Variants in GLIS1 observed in about 807,000 individuals in gnomAD.
GLIS1 encodes the protein zinc finger protein GLIS1.
A neutral mutation model predicts 63.8 loss-of-function variants in GLIS1; 24 were observed. The observed-to-expected ratio is 0.38, with a 90% confidence interval of 0.27 to 0.53. The LOEUF (loss-of-function observed/expected upper bound fraction) is 0.53. Among genes scored for constraint, GLIS1 ranks in the 20% least tolerant of loss-of-function variants. The pLI is 0.85. For missense variants in GLIS1, 1,036 were observed against 1,074.1 expected, an observed-to-expected ratio of 0.96 and a Z score of 0.50; for synonymous variants, 450 against 482.5, an observed-to-expected ratio of 0.93 and a Z score of 0.88.
chr1:53,540,840 A>C (rs1217938539), intron 4 of GLIS1, among the ~76,000 whole-genome samples: 4 of 152,198 alleles, frequency 2.6e-5, no homozygotes, highest in African/African-American at 9.6e-5. Flanking sequence ...CGGAGGCCAG[A>C]GATTCTCCAC....
At chr1:53,520,538 T>C (rs1382320069) in intron 7 of GLIS1, 96 bp downstream of exon 7, 2 of 1,356,262 alleles carry the variant, frequency 1.5e-6, no homozygotes, top group Non-Finnish European at 9.7e-7. Context: ...GTCATGCCCA[T>C]GTGGGCGGCC....
rs911716538 is a variant in GLIS1, at chr1:53,539,205, G to A, written c.1321-9253C>T. ...TCTCCCTCCAACCAAGCCACACGTC[G>A]GAGACAGCCCCAACACACACCAACA... On this transcript the variant is annotated intron_variant, in intron 4 of 10. Transcript: ENST00000628545. This position sits in a 1 kb window ranked among gnomAD's most constrained non-coding sequence, Gnocchi z 5.0. Among the ~76,000 whole-genome samples the A allele has an allele frequency of 4.6e-5, 7 of 150,912 alleles. No homozygotes were observed. Among genetic ancestry groups the A allele is most frequent in the Admixed American group, 2.0e-4 (3 of 15,190 alleles).
chr1:53,713,470 T>C (rs11206206), intron 2 of GLIS1, among the ~76,000 whole-genome samples: 609 of 82,706 alleles, frequency 7.4e-3, no homozygotes, highest in Middle Eastern at 0.019. Context: ...GACCCCATCT[T>C]TTCAAGACCA....
chr1:53,542,616 C>T (rs932348681), intron 4 of GLIS1, among the ~76,000 whole-genome samples: 3 of 152,192 alleles, frequency 2.0e-5, no homozygotes, highest in African/African-American at 7.2e-5. Context: ...GCTTCCTGTA[C>T]TTCCACCCTC....
chr1:53,506,854 A>C (rs1021304340), intron 10 of GLIS1, 78 bp from the exon 11 acceptor site: 9 of 1,393,792 alleles, frequency 6.5e-6, no homozygotes, highest in East Asian at 2.4e-5. Context: ...TCCAGGCCCC[A>C]CCCCGCCTGC....
intron 4 of GLIS1, among the ~76,000 whole-genome samples, chr1:53,541,490 C>T (rs1303401085): frequency 3.9e-5 from 6 of 152,266 alleles, no homozygotes; most frequent in South Asian, 4.1e-4. Flanking sequence ...GCCCACATCA[C>T]ACCCTCCTGC....
At chr1:53,654,379 G>A (rs1390776575) in intron 2 of GLIS1, among the ~76,000 whole-genome samples, 2 of 152,182 alleles carry the variant, frequency 1.3e-5, no homozygotes, top group East Asian at 1.9e-4. Context: ...GAGCAGGTCG[G>A]GGGCCGGAAC....
chr1:53,520,266 G>A (rs1278879682), intron 7 of GLIS1, among the ~76,000 whole-genome samples: 1 of 152,158 alleles, frequency 6.6e-6, no homozygotes, highest in Non-Finnish European at 1.5e-5. Context: ...GGGGTCGGGG[G>A]GAGCAGGAGC....
chr1:53,664,291 C>CT (rs1182482124), intron 2 of GLIS1, among the ~76,000 whole-genome samples: 1 of 152,174 alleles, frequency 6.6e-6, no homozygotes, highest in African/African-American at 2.4e-5. Context: ...CACACACCCC[C>CT]TCCAGGAAGC....
intron 2 of GLIS1, among the ~76,000 whole-genome samples, chr1:53,636,531 T>C (rs1166993299): frequency 6.6e-6 from 1 of 152,210 alleles, no homozygotes; most frequent in East Asian, 1.9e-4. Flanking sequence ...GAATAGATAT[T>C]GGAAGCAAGA....
chr1:53,570,037 C>A (rs1644970072), intron 4 of GLIS1, among the ~76,000 whole-genome samples: 1 of 152,150 alleles, frequency 6.6e-6, no homozygotes, highest in African/African-American at 2.4e-5. Context: ...GAATTCCAAT[C>A]AAAATCTAAT....
chr1:53,599,134 CT>C (rs766084192), intron 3 of GLIS1, among the ~76,000 whole-genome samples: 2 of 152,228 alleles, frequency 1.3e-5, no homozygotes, highest in Non-Finnish European at 2.9e-5. Context: ...CTGTCTGTGA[CT>C]GACCTGGCTG....
intron 2 of GLIS1, among the ~76,000 whole-genome samples, chr1:53,641,976 C>T (rs1292409238): frequency 6.6e-6 from 1 of 152,236 alleles, no homozygotes; most frequent in Non-Finnish European, 1.5e-5. Flanking sequence ...CCGAAGCTCT[C>T]CCTGACAAGA....
chr1:53,582,012 C>T (rs1455360054), intron 4 of GLIS1, among the ~76,000 whole-genome samples: 1 of 152,170 alleles, frequency 6.6e-6, no homozygotes, highest in East Asian at 1.9e-4. Flanking sequence ...GGATGACTTG[C>T]CCAGAACCAC....
intron 4 of GLIS1, among the ~76,000 whole-genome samples, chr1:53,558,206 G>A (rs148894308): frequency 5.9e-5 from 9 of 152,350 alleles, no homozygotes; most frequent in African/African-American, 2.2e-4. Flanking sequence ...CTGCCACAGA[G>A]GGACACAAAG....
intron 2 of GLIS1, among the ~76,000 whole-genome samples, chr1:53,673,800 G>T (rs1313745066): frequency 6.6e-6 from 1 of 152,224 alleles, no homozygotes; most frequent in East Asian, 1.9e-4. Flanking sequence ...CCTGGTGCAC[G>T]GTAGGTGGTG....
At chr1:53,544,929 A>G (rs1473321137) in intron 4 of GLIS1, among the ~76,000 whole-genome samples, 2 of 152,028 alleles carry the variant, frequency 1.3e-5, no homozygotes, top group African/African-American at 2.4e-5. Context: ...CCAAACCTCC[A>G]AGGACCTCAT....
chr1:53,690,179 C>T (rs1646386766), intron 2 of GLIS1, among the ~76,000 whole-genome samples: 1 of 152,230 alleles, frequency 6.6e-6, no homozygotes, highest in Non-Finnish European at 1.5e-5. Context: ...AAACATCAAC[C>T]ACATGTGCAC....
At chr1:53,701,878 A>C (rs1391632008) in intron 2 of GLIS1, among the ~76,000 whole-genome samples, 2 of 151,838 alleles carry the variant, frequency 1.3e-5, no homozygotes, top group African/African-American at 4.8e-5. Context: ...CTGTGGTCCC[A>C]GCTACTCTGG....
Sources: gnomAD v4.1 joint callset for allele counts (sites outside exome capture counted in the v4.1 genomes callset) on GRCh38, gnomAD v4.1.1 for gene constraint, Gnocchi (gnomAD v3.1) non-coding constraint, MANE v1.5 for transcripts, NCBI Gene and HGNC (gene_info 2026-07-23, HGNC 2026-07-21) for gene names.